The following MYEF2 variants were observed in gnomAD, a reference collection of about 807,000 sequenced individuals.
MYEF2 encodes myelin gene expression factor 2.
MYEF2 carries 37 observed loss-of-function variants against 75.2 expected under a neutral mutation model. The observed-to-expected ratio is 0.49, with a 90% CI of 0.38 to 0.65. MYEF2 has a LOEUF of 0.65. MYEF2 is among the 30% of genes least tolerant of loss of function. The pLI is 0.00. For synonymous variants in MYEF2, 195 were observed against 241.6 expected (o/e 0.81, Z 1.79); for missense variants, 634 against 771.4 (o/e 0.82, Z 2.11).
At position 48,145,280 on chromosome 15, in the gene MYEF2, C is replaced by G. The variant is rs563354236; in HGVS notation, c.1640-2209G>C. 3.2e-3 allele frequency among the ~76,000 whole-genome samples: 492 copies of G among 151,904 alleles called. 3 individuals carry two copies. The highest frequency in any genetic ancestry group is 0.011 in the African/African-American group (470 of 41,518). ...AGTTATAGATGTTCTAAGTTTCTTCCTGATCCTATAAAAACACCAACTGAA... is the reference window on the plus strand; with the variant it reads ...AGTTATAGATGTTCTAAGTTTCTTCGTGATCCTATAAAAACACCAACTGAA... On this transcript the variant is annotated intron_variant, in intron 16 of 16. Transcript: ENST00000324324.
rs2039104415 is a variant in MYEF2 at position 48,141,942 on chromosome 15, A to G, written c.*966T>C. 4.0e-6 allele frequency: 4 copies of G among 1,001,572 alleles called. No individual in the cohort carries two copies. In the East Asian group the frequency reaches 1.0e-4, roughly 25 times the overall value. 62.0% of individuals were successfully genotyped at this position (1,001,572 alleles called of 1,614,324 possible). A position where few individuals can be genotyped will look rare whatever the true frequency, so the allele number is the denominator to read the frequency against. On this transcript the variant is annotated 3_prime_UTR_variant, in exon 17 of 17. Transcript: ENST00000324324. ...TTTCAAAACGAATCAACAACAAAAAAGTATCCAGTGTTTCTTTTCTTATGA... is the reference window on the plus strand; with the variant it reads ...TTTCAAAACGAATCAACAACAAAAAGGTATCCAGTGTTTCTTTTCTTATGA...
At chr15:48,167,915 C>T (rs751377160) in intron 2 of MYEF2, among the ~76,000 whole-genome samples, 26 of 151,850 alleles carry the variant, frequency 1.7e-4, no homozygotes, top group Non-Finnish European at 3.2e-4. Context: ...ATAGTTGTCA[C>T]CTTACAACAG....
rs2038932140 is a variant in MYEF2, at chr15:48,137,526, T to G, written c.*5382A>C. The G allele has an allele frequency of 6.6e-6, 1 of 152,156 alleles. No homozygotes were observed. The highest frequency in any genetic ancestry group is 2.1e-4 in the South Asian group (1 of 4,828). 9.4% of individuals were successfully genotyped at this position (152,156 alleles called of 1,614,324 possible). On this transcript the variant is annotated 3_prime_UTR_variant, in exon 17 of 17. Coordinates refer to ENST00000324324, the MANE Select transcript of MYEF2 (RefSeq NM_016132.5). Reference sequence around the variant, plus strand: ...GTTATCTTAGTAATGTTACCCAAAATGATGTTCACCGAACTAAAATATGAA... The same window carrying G: ...GTTATCTTAGTAATGTTACCCAAAAGGATGTTCACCGAACTAAAATATGAA...
rs570169495 is a variant in MYEF2, at chr15:48,148,836, G to GTAA, written c.1639+193_1639+195dup. On this transcript the variant is annotated intron_variant, in intron 16 of 16. Transcript: ENST00000324324. Reference sequence around the variant, plus strand: ...ACCTAAACCTTGTTATTACCTAGTAGTAATAGCACTGCTCTAAGTCAAAAG... The same window carrying GTAA: ...ACCTAAACCTTGTTATTACCTAGTAGTAATAATAGCACTGCTCTAAGTCAAAAG... Among the ~76,000 whole-genome samples the GTAA allele has an allele frequency of 3.7e-4, 57 of 152,060 alleles. No individual in the cohort carries two copies. The South Asian group carries it at 0.012, about 31-fold the overall frequency.
At chr15:48,143,192 A>T in intron 16 of MYEF2, 121 bp from the exon 17 acceptor site, 2 of 522,090 alleles carry the variant, frequency 3.8e-6, no homozygotes, top group Non-Finnish European at 5.9e-6. Flanking sequence ...TTAATTATTT[A>T]AAATAAATAA....
At chr15:48,171,327 A>T (rs2040334183) in intron 1 of MYEF2, among the ~76,000 whole-genome samples, 1 of 152,202 alleles carries the variant, frequency 6.6e-6, no homozygotes, top group Non-Finnish European at 1.5e-5. Context: ...GGATTAAACC[A>T]ATTGTGAAAA....
In MYEF2 at chr15:48,161,541, T is replaced by C. The variant is rs539273005; in HGVS notation, c.526-1737A>G. On this transcript the variant is annotated intron_variant, in intron 5 of 16. Transcript: ENST00000324324. Reference sequence around the variant, plus strand: ...TAGGCCAAATTTAGCCTTTTTTTTTTCTCTTAAAAAAGTTAAAAATGGCGG... The same window carrying C: ...TAGGCCAAATTTAGCCTTTTTTTTTCCTCTTAAAAAAGTTAAAAATGGCGG... Among the ~76,000 whole-genome samples the C allele has an allele frequency of 1.2e-3, 178 of 151,872 alleles. 1 individual carries two copies. The highest frequency in any genetic ancestry group is 2.1e-3 in the Non-Finnish European group (142 of 67,884).
chr15:48,135,242 C>G lies in MYEF2; in HGVS notation c.*7666G>C, dbSNP rs1400801785. On this transcript the variant is annotated 3_prime_UTR_variant, in exon 17 of 17. Transcript: ENST00000324324. ...AGACCACCACTTTTCCTTCTCCCCA[C>G]TGGCTGCCTATTCAGAAAGTTTCCC... is the stretch of plus-strand genomic sequence containing the variant. 1 of 303,882 alleles carries G rather than the reference C, an allele frequency of 3.3e-6. No homozygotes were observed. 18.8% of individuals were successfully genotyped at this position (303,882 alleles called of 1,614,324 possible).
chr15:48,175,586 T>A (rs532464486), intron 1 of MYEF2, among the ~76,000 whole-genome samples: 1 of 152,124 alleles, frequency 6.6e-6, no homozygotes, highest in Non-Finnish European at 1.5e-5. Flanking sequence ...AAATATACAA[T>A]TTTTGTCAAT....
rs986204345 is a variant in MYEF2, at chr15:48,142,603, G to T, written c.*305C>A. ...CCATACAATAAGTTGACAAAAACTG[G>T]AGAAACTAGAACAAACAAATCCAAC... On this transcript the variant is annotated 3_prime_UTR_variant, in exon 17 of 17. Transcript: ENST00000324324. 9.0e-6 allele frequency: 4 copies of T among 443,028 alleles called. No individual in the cohort carries two copies. Among genetic ancestry groups the T allele is most frequent in the African/African-American group, 8.1e-5 (4 of 49,650 alleles). The allele number at this position is 443,028 out of a possible 1,614,324, so 27.4% of individuals were successfully genotyped here.
At chr15:48,161,178 A>T (rs575783752) in intron 5 of MYEF2, among the ~76,000 whole-genome samples, 4 of 152,190 alleles carry the variant, frequency 2.6e-5, no homozygotes, top group African/African-American at 9.6e-5. Context: ...CATATATAAA[A>T]TAAAATTTAT....
chr15:48,150,773 G>A (rs1288846521), intron 14 of MYEF2, among the ~76,000 whole-genome samples: 1 of 152,014 alleles, frequency 6.6e-6, no homozygotes, highest in Non-Finnish European at 1.5e-5. Flanking sequence ...AATAAGCAAG[G>A]AAACAAAGTT....
At chr15:48,148,895 T>C (rs2039387728) in intron 16 of MYEF2, 137 bp downstream of exon 16, 3 of 814,502 alleles carry the variant, frequency 3.7e-6, no homozygotes, top group African/African-American at 3.4e-5. Context: ...GAAGTGGAAT[T>C]AGACCTGGCA....
chr15:48,140,685 C>T lies in MYEF2; in HGVS notation c.*2223G>A, dbSNP rs867423858. The T allele has an allele frequency of 2.5e-5, 4 of 162,122 alleles. No homozygotes were observed. In the Middle Eastern group the frequency reaches 0.012, roughly 477 times the overall value. The allele number at this position is 162,122 out of a possible 1,614,324, so 10.0% of individuals were successfully genotyped here. ...TAGAACATAATAAATGGTATATATA[C>T]ATGTTAACACATTTATAGCTTAAAG... On this transcript the variant is annotated 3_prime_UTR_variant, in exon 17 of 17. Coordinates refer to ENST00000324324, the MANE Select transcript of MYEF2 (RefSeq NM_016132.5).
chr15:48,166,010 C>A lies in MYEF2; in HGVS notation c.448G>T (p.Asp150Tyr). Residue 150 changes from aspartate to tyrosine, a missense_variant, in exon 5 of 17, where the codon GAT (aspartate) becomes TAT (tyrosine). Coordinates refer to ENST00000324324, the MANE Select transcript of MYEF2 (RefSeq NM_016132.5). ...SRGCGVVEFK[D>Y]EEFVKKALET... is the part of the protein sequence containing the mutation. ...AGGGCTTTCTTTACAAATTCTTCAT[C>A]TTTGAATTCAACCACACTTAATAGG... The A allele has an allele frequency of 6.3e-7, 1 of 1,595,940 alleles. No individual in the cohort carries two copies. Among genetic ancestry groups the A allele is most frequent in the South Asian group, 1.1e-5 (1 of 87,764 alleles).
At chr15:48,166,594 G>A (rs2040141994) in intron 3 of MYEF2, among the ~76,000 whole-genome samples, 1 of 151,708 alleles carries the variant, frequency 6.6e-6, no homozygotes, top group South Asian at 2.1e-4. Context: ...GATTAAAACT[G>A]GCTGCACATT....
At chr15:48,175,781 C>G (rs1350684947) in intron 1 of MYEF2, among the ~76,000 whole-genome samples, 1 of 152,128 alleles carries the variant, frequency 6.6e-6, no homozygotes, top group Admixed American at 6.5e-5. Flanking sequence ...AATAATACTG[C>G]TCTTTTCCCT....
At chr15:48,155,520 AACT>A (rs1369896646) in intron 9 of MYEF2, among the ~76,000 whole-genome samples, 2 of 152,104 alleles carry the variant, frequency 1.3e-5, no homozygotes, top group Admixed American at 6.6e-5. Flanking sequence ...ATGATTAGCA[AACT>A]TGATTTAATG....
In MYEF2 at chr15:48,157,795, A is replaced by G. The variant is rs2039759260; in HGVS notation, c.985+198T>C. On this transcript the variant is annotated intron_variant, in intron 9 of 16. Transcript: ENST00000324324. ...TGCTGATTAGTCAGGAAAAGTTACCAAAGAGAAAAAAAAAATGGCACGTAA... is the reference window on the plus strand; with the variant it reads ...TGCTGATTAGTCAGGAAAAGTTACCGAAGAGAAAAAAAAAATGGCACGTAA... 35 of 1,317,754 alleles carry G rather than the reference A, an allele frequency of 2.7e-5. No individual in the cohort carries two copies. In the East Asian group the frequency reaches 9.4e-4, roughly 35 times the overall value. The allele number at this position is 1,317,754 out of a possible 1,614,324, so 81.6% of individuals were successfully genotyped here.
Sources: allele counts gnomAD v4.1 joint callset (sites outside exome capture counted in the v4.1 genomes callset), GRCh38; gene constraint gnomAD v4.1.1; transcripts MANE v1.5; gene names NCBI Gene and HGNC (gene_info 2026-07-23, HGNC 2026-07-21).